GOLPH3: variants seen among roughly 807,000 people sequenced by gnomAD.
GOLPH3 encodes coat protein GPP34.
In GOLPH3, 14 loss-of-function variants were observed where a neutral mutation model predicts 28.5. That is an observed-to-expected ratio of 0.49 (90% confidence interval 0.32 to 0.77). The LOEUF (loss-of-function observed/expected upper bound fraction) is 0.77, where lower values mean the gene tolerates loss of function less well. Ranked by LOEUF, GOLPH3 falls within the 30% of genes least tolerant of loss-of-function variation. The pLI, the probability that GOLPH3 is intolerant of heterozygous loss-of-function variation, is 0.03. For synonymous variants in GOLPH3, 158 were observed against 159.2 expected (o/e 0.99, Z 0.06); for missense variants, 350 against 393.7 (o/e 0.89, Z 0.94).
At chr5:32,157,968 ACT>A (rs1425133741) in intron 1 of GOLPH3, among the ~76,000 whole-genome samples, 1 of 135,752 alleles carries the variant, frequency 7.4e-6, no homozygotes, top group Non-Finnish European at 1.6e-5. Context: ...CAAGAGCTAA[ACT>A]CTGTCTCAAA....
chr5:32,131,672 T>A (rs1457232385), intron 3 of GOLPH3, among the ~76,000 whole-genome samples: 1 of 152,220 alleles, frequency 6.6e-6, no homozygotes, highest in African/African-American at 2.4e-5. Flanking sequence ...CTATTCATAG[T>A]TTACTTTTTT....
chr5:32,138,680 G>A (rs748107073), intron 2 of GOLPH3, among the ~76,000 whole-genome samples: 2 of 152,112 alleles, frequency 1.3e-5, no homozygotes, highest in Non-Finnish European at 2.9e-5. Flanking sequence ...TCCATACTAA[G>A]ACCAAAAATC....
rs779400964 is a variant in GOLPH3, at chr5:32,126,475, G to A, written c.634C>T (p.Arg212Cys). 12 of 1,613,986 alleles carry A rather than the reference G, an allele frequency of 7.4e-6. No individual in the cohort carries two copies. The highest frequency in any genetic ancestry group is 1.1e-5 in the South Asian group (1 of 91,084). ...GCTTCCTGTACTTTCTTGATGAGGC[G>A]CTGCTTAATGTTGTTATTGGTGAGG... is the stretch of plus-strand genomic sequence containing the variant. ...HPLTNNNIKQ[R>C]LIKKVQEAVL... is the part of the protein sequence containing the mutation. The change falls in exon 4 of 4, where the codon CGC (arginine) becomes TGC (cysteine). Residue 212 changes from arginine (R) to cysteine (C), a missense_variant. Coordinates refer to ENST00000265070, the MANE Select transcript of GOLPH3 (RefSeq NM_022130.4).
At chr5:32,152,679 G>A (rs1746333630) in intron 1 of GOLPH3, among the ~76,000 whole-genome samples, 1 of 151,570 alleles carries the variant, frequency 6.6e-6, no homozygotes, top group South Asian at 2.1e-4. Context: ...CTATTAAGGA[G>A]GCTGAGGCAG....
At chr5:32,132,901 T>C (rs1453847991) in intron 3 of GOLPH3, among the ~76,000 whole-genome samples, 3 of 152,178 alleles carry the variant, frequency 2.0e-5, no homozygotes, top group African/African-American at 7.2e-5. Context: ...TTTTTAACTT[T>C]AAAAAAAGTC....
chr5:32,159,601 G>GCA (rs1746531124), intron 1 of GOLPH3, among the ~76,000 whole-genome samples: 1 of 152,072 alleles, frequency 6.6e-6, no homozygotes, highest in African/African-American at 2.4e-5. Flanking sequence ...TTTCACTAGT[G>GCA]GTTTTTTAAA....
intron 2 of GOLPH3, among the ~76,000 whole-genome samples, chr5:32,142,149 A>G (rs1746081854): frequency 6.9e-6 from 1 of 145,236 alleles, no homozygotes; most frequent in African/African-American, 2.6e-5. Context: ...CATCCCATCT[A>G]GGAAGTGAGG....
At chr5:32,139,735 G>C (rs1317600043) in intron 2 of GOLPH3, among the ~76,000 whole-genome samples, 1 of 151,886 alleles carries the variant, frequency 6.6e-6, no homozygotes, top group Non-Finnish European at 1.5e-5. Context: ...AGACAATCAC[G>C]GATAACGTGA....
At chr5:32,128,203 A>C (rs1745725813) in intron 3 of GOLPH3, among the ~76,000 whole-genome samples, 2 of 152,244 alleles carry the variant, frequency 1.3e-5, no homozygotes, top group African/African-American at 4.8e-5. Context: ...GAACAATTCT[A>C]AGAGTTCAGT....
rs1745656883 is a variant in GOLPH3, at chr5:32,125,510, A to C, written c.*702T>G. On this transcript the variant is annotated 3_prime_UTR_variant, in exon 4 of 4. Coordinates refer to ENST00000265070, the MANE Select transcript of GOLPH3 (RefSeq NM_022130.4). ...AGATCTTGCAAAATACTAAGATGGGAGCAGGGGTGGCCAGAAGAAGGGGTA... is the reference window on the plus strand; with the variant it reads ...AGATCTTGCAAAATACTAAGATGGGCGCAGGGGTGGCCAGAAGAAGGGGTA... 6.6e-6 allele frequency: 1 copy of C among 152,644 alleles called. No homozygotes were observed. Among genetic ancestry groups the C allele is most frequent in the Non-Finnish European group, 1.5e-5 (1 of 68,044 alleles). 9.5% of individuals were successfully genotyped at this position (152,644 alleles called of 1,614,324 possible).
chr5:32,142,365 C>G lies in GOLPH3; in HGVS notation c.357+1384G>C, dbSNP rs564463997. Among the ~76,000 whole-genome samples, 137 of 148,906 alleles carry G rather than the reference C, an allele frequency of 9.2e-4. 1 individual carries two copies. Among genetic ancestry groups the G allele is most frequent in the Admixed American group, 2.8e-3 (42 of 15,172 alleles). On this transcript the variant is annotated intron_variant, in intron 2 of 3. Coordinates refer to ENST00000265070, the MANE Select transcript of GOLPH3 (RefSeq NM_022130.4). ...CTGAGAAGTGAGGAGCCCCTCCGCC[C>G]GGCAGCCGCCCCGTCTGAGAAGTGA...
intron 1 of GOLPH3, among the ~76,000 whole-genome samples, chr5:32,151,099 G>A (rs1561672761): frequency 6.6e-6 from 1 of 151,914 alleles, no homozygotes; most frequent in Non-Finnish European, 1.5e-5. Flanking sequence ...TCAAAATCTA[G>A]GAGCAATAAA....
intron 2 of GOLPH3, among the ~76,000 whole-genome samples, chr5:32,137,908 T>A (rs944804957): frequency 1.1e-4 from 1 of 9,206 alleles, no homozygotes; most frequent in Admixed American, 2.1e-3. Context: ...CGGTTTTTTT[T>A]GTTTTTTTTT....
chr5:32,161,647 G>A (rs1046883372), intron 1 of GOLPH3, among the ~76,000 whole-genome samples: 2 of 151,234 alleles, frequency 1.3e-5, no homozygotes, highest in Admixed American at 6.6e-5. Flanking sequence ...CTACTGATAC[G>A]TCTGGAGGCT....
At chr5:32,149,183 CAG>C (rs1746249113) in intron 1 of GOLPH3, among the ~76,000 whole-genome samples, 1 of 152,122 alleles carries the variant, frequency 6.6e-6, no homozygotes, top group Admixed American at 6.6e-5. Flanking sequence ...GAAAGGAAAA[CAG>C]AAGACAAATG....
chr5:32,126,743 G>C (rs1173672266), intron 3 of GOLPH3, 107 bp from the exon 4 acceptor site: 79 of 841,234 alleles, frequency 9.4e-5, no homozygotes, highest in Non-Finnish European at 1.4e-4. Flanking sequence ...AAGAAAAACA[G>C]AAGAAAATCT....
At chr5:32,150,536 AATG>A (rs1470768636) in intron 1 of GOLPH3, among the ~76,000 whole-genome samples, 2 of 151,918 alleles carry the variant, frequency 1.3e-5, no homozygotes, top group Non-Finnish European at 2.9e-5. Flanking sequence ...CTAAAATTAA[AATG>A]ATGTCACACT....
intron 2 of GOLPH3, among the ~76,000 whole-genome samples, chr5:32,140,418 G>A (rs988178896): frequency 3.8e-4 from 58 of 152,238 alleles, no homozygotes; most frequent in African/African-American, 1.3e-3. Context: ...CACTTTGGGA[G>A]GCAGGTGGAT....
At chr5:32,150,469 T>C (rs1038441000) in intron 1 of GOLPH3, among the ~76,000 whole-genome samples, 2 of 147,932 alleles carry the variant, frequency 1.4e-5, no homozygotes, top group Non-Finnish European at 3.0e-5. Context: ...TAGCAACATA[T>C]GTAGGGAACA....
Sources: allele counts gnomAD v4.1 joint callset (sites outside exome capture counted in the v4.1 genomes callset), GRCh38; gene constraint gnomAD v4.1.1; transcripts MANE v1.5; gene names NCBI Gene and HGNC (gene_info 2026-07-23, HGNC 2026-07-21).